PARL: variants seen among roughly 807,000 people sequenced by gnomAD.
The protein encoded by PARL is presenilin associated rhomboid like, also known as presenilin-associated rhomboid-like protein, mitochondrial.
A neutral mutation model predicts 51.6 loss-of-function variants in PARL; 44 were observed. That is an observed-to-expected ratio of 0.85 (90% CI 0.67 to 1.10). The LOEUF is 1.10. Among genes scored for constraint, PARL ranks in the 50% least tolerant of loss-of-function variants. The pLI, the probability that PARL is intolerant of heterozygous loss-of-function variation, is 0.00. For synonymous variants in PARL, 172 were observed against 164.0 expected (o/e 1.05, Z -0.37); for missense variants, 441 against 469.5 (o/e 0.94, Z 0.56).
chr3:183,871,517 CAAA>C (rs10718782), intron 1 of PARL, among the ~76,000 whole-genome samples: 22 of 87,858 alleles, frequency 2.5e-4, no homozygotes, highest in Non-Finnish European at 3.3e-4. Context: ...TACACTTGGC[CAAA>C]AAAAAAAAAA....
chr3:183,843,305 T>C, intron 5 of PARL: 1 of 985,164 alleles, frequency 1.0e-6, no homozygotes, highest in Non-Finnish European at 1.2e-6. Context: ...AAAAGTTGAT[T>C]AGAAAAAAAT....
intron 7 of PARL, among the ~76,000 whole-genome samples, chr3:183,838,383 G>A (rs1045093831): frequency 7.2e-5 from 11 of 152,100 alleles, no homozygotes; most frequent in African/African-American, 2.4e-4. Context: ...TTTACATTTT[G>A]TAACAACACA....
rs527258085 is a variant in PARL at position 183,881,368 on chromosome 3, C to T, written c.125+3354G>A. 4.0e-3 allele frequency among the ~76,000 whole-genome samples: 587 copies of T among 147,926 alleles called. 3 individuals are homozygous for T. The highest frequency in any genetic ancestry group is 0.014 in the African/African-American group (570 of 40,052). ...AACTCCTGACCTCAGGTGATCCACC[C>T]GCCTCGGCCTCCCAAAGTGCTGGGA... On this transcript the variant is annotated intron_variant, in intron 1 of 9. Coordinates refer to ENST00000317096, the MANE Select transcript of PARL (RefSeq NM_018622.7).
At chr3:183,834,003 G>A (rs1728260547) in intron 7 of PARL, among the ~76,000 whole-genome samples, 178 bp from the exon 8 acceptor site, 1 of 152,186 alleles carries the variant, frequency 6.6e-6, no homozygotes, top group Non-Finnish European at 1.5e-5. Context: ...GGAACTAAAT[G>A]TCCTTCACAC....
chr3:183,829,762 T>A, intron 9 of PARL, 53 bp from the exon 10 acceptor site: 1 of 1,401,820 alleles, frequency 7.1e-7, no homozygotes, highest in Non-Finnish European at 1.0e-6. Flanking sequence ...ATACAAATGG[T>A]AAGTAGCATG....
At chr3:183,879,679 G>T in intron 1 of PARL, 1 of 868,322 alleles carries the variant, frequency 1.2e-6, no homozygotes, top group Non-Finnish European at 1.4e-6. Flanking sequence ...ATTATATAAG[G>T]TACATTTTCT....
chr3:183,877,518 T>C (rs1733982484), intron 1 of PARL, among the ~76,000 whole-genome samples: 1 of 152,192 alleles, frequency 6.6e-6, no homozygotes, highest in African/African-American at 2.4e-5. Flanking sequence ...CAGCATCACA[T>C]GCTACTGAGA....
chr3:183,829,621 T>G lies in PARL; in HGVS notation c.1117A>C (p.Lys373Gln), dbSNP rs755719892. The G allele has an allele frequency of 5.0e-6, 8 of 1,614,192 alleles. No individual in the cohort carries two copies. The East Asian group carries it at 8.9e-5, about 18-fold the overall frequency. The change falls in exon 10 of 10, where the codon AAA becomes CAA. Residue 373 changes from lysine (K) to glutamine (Q), a missense_variant. Coordinates refer to ENST00000317096, the MANE Select transcript of PARL (RefSeq NM_018622.7). The stretch of plus-strand genomic sequence containing the variant: ...TTTTACTTAGAGCCACCTCCTTTTT[T>G]GGGGCCATTAGTCCTTATTTCATGC... ...IWHEIRTNGP[K>Q]KGGGSK
chr3:183,877,175 T>C (rs1364249941), intron 1 of PARL, among the ~76,000 whole-genome samples: 2 of 152,130 alleles, frequency 1.3e-5, no homozygotes, highest in African/African-American at 2.4e-5. Context: ...GATCGTGCCA[T>C]TGCACTTCAG....
chr3:183,835,949 C>T (rs1470563674), intron 7 of PARL, among the ~76,000 whole-genome samples: 2 of 151,850 alleles, frequency 1.3e-5, no homozygotes, highest in Non-Finnish European at 2.9e-5. Context: ...CAGGCACAGT[C>T]GCTTACACCT....
chr3:183,870,152 T>C (rs1399153350), intron 1 of PARL, among the ~76,000 whole-genome samples: 1 of 68,226 alleles, frequency 1.5e-5, no homozygotes, highest in Non-Finnish European at 2.9e-5. Flanking sequence ...GGTGCACACC[T>C]GTAGAGTCCC....
intron 7 of PARL, among the ~76,000 whole-genome samples, chr3:183,840,337 C>G (rs1729143578): frequency 6.6e-6 from 1 of 152,034 alleles, no homozygotes; most frequent in Non-Finnish European, 1.5e-5. Flanking sequence ...ATATATATGA[C>G]CAATGGTTAA....
At chr3:183,864,145 T>C (rs756628523) in intron 3 of PARL, among the ~76,000 whole-genome samples, 9 of 152,218 alleles carry the variant, frequency 5.9e-5, no homozygotes, top group Non-Finnish European at 1.0e-4. Context: ...CTGCAAATAT[T>C]ATCCACTGTT....
intron 4 of PARL, chr3:183,861,326 C>T (rs1731803375): frequency 3.5e-6 from 2 of 578,050 alleles, no homozygotes; most frequent in Non-Finnish European, 4.4e-6. Flanking sequence ...TAACTGAGTG[C>T]CCTTACTGTG....
chr3:183,867,504 T>G (rs1233094814), intron 2 of PARL, among the ~76,000 whole-genome samples: 1 of 151,826 alleles, frequency 6.6e-6, no homozygotes, highest in Non-Finnish European at 1.5e-5. Context: ...ATCGAGACCA[T>G]CCTGGCTAAC....
chr3:183,879,808 T>A, intron 1 of PARL: 1 of 359,248 alleles, frequency 2.8e-6, no homozygotes, highest in Non-Finnish European at 3.9e-6. Context: ...CCTTCGCCTC[T>A]AGAGTTCAAG....
At chr3:183,838,026 C>CT (rs112834345) in intron 7 of PARL, among the ~76,000 whole-genome samples, 25,191 of 145,564 alleles carry the variant, frequency 0.17, 2,384 homozygotes, top group East Asian at 0.25. Flanking sequence ...ATTCAACTTT[C>CT]TTTTTTTTTT....
chr3:183,845,108 T>C (rs1577311854), intron 4 of PARL, among the ~76,000 whole-genome samples: 1 of 152,238 alleles, frequency 6.6e-6, no homozygotes, highest in East Asian at 1.9e-4. Flanking sequence ...ACATTTGTCA[T>C]TCCTCCAGTC....
At chr3:183,844,568 C>A (rs946857327) in intron 4 of PARL, 1 of 469,800 alleles carries the variant, frequency 2.1e-6, no homozygotes, top group African/African-American at 2.0e-5. Flanking sequence ...AACTTCCTTT[C>A]CCTAGATCCA....
Sources: allele counts gnomAD v4.1 joint callset (sites outside exome capture counted in the v4.1 genomes callset), GRCh38; gene constraint gnomAD v4.1.1; transcripts MANE v1.5; gene names NCBI Gene and HGNC (gene_info 2026-07-23, HGNC 2026-07-21).